MYRIP: variants seen among roughly 807,000 people sequenced by gnomAD.
MYRIP encodes the protein myosin VIIA and Rab interacting protein.
A neutral mutation model predicts 98.0 loss-of-function variants in MYRIP; 49 were observed. The observed-to-expected ratio is 0.50, with a 90% CI of 0.40 to 0.63. The LOEUF is 0.63. Among genes scored for constraint, MYRIP ranks in the 30% least tolerant of loss-of-function variants. The pLI is 0.00. For missense variants in MYRIP, 1,004 were observed against 1,058.2 expected, an observed-to-expected ratio of 0.95 and a Z score of 0.71; for synonymous variants, 404 against 409.5, an observed-to-expected ratio of 0.99 and a Z score of 0.16.
At chr3:39,825,453 A>T (rs1204881000) in intron 1 of MYRIP, among the ~76,000 whole-genome samples, 1 of 152,154 alleles carries the variant, frequency 6.6e-6, no homozygotes, top group Admixed American at 6.6e-5. Flanking sequence ...AGATAATCAT[A>T]TATTATAGTT....
chr3:40,233,817 C>A, intron 11 of MYRIP, 42 bp from the exon 12 acceptor site: 1 of 1,551,104 alleles, frequency 6.4e-7, no homozygotes, highest in Non-Finnish European at 8.8e-7. Flanking sequence ...TGTTAATGTG[C>A]TGTTCTTGTC....
intron 1 of MYRIP, among the ~76,000 whole-genome samples, chr3:39,829,162 T>C (rs1404155240): frequency 2.6e-5 from 4 of 152,252 alleles, no homozygotes; most frequent in Non-Finnish European, 5.9e-5. Flanking sequence ...TCTTTGATTA[T>C]GGCCATTCTT....
chr3:39,969,024 T>C (rs1272764973), intron 2 of MYRIP, among the ~76,000 whole-genome samples: 2 of 152,178 alleles, frequency 1.3e-5, no homozygotes, highest in African/African-American at 2.4e-5. Context: ...ATAATTCTCA[T>C]TGTAGAGATC....
intron 4 of MYRIP, among the ~76,000 whole-genome samples, chr3:40,160,181 A>G (rs1026934582): frequency 5.3e-5 from 8 of 152,108 alleles, no homozygotes; most frequent in East Asian, 1.9e-4. Flanking sequence ...TGGTGTGGAT[A>G]TCCTTTCTGT....
chr3:40,037,597 T>G (rs991249774), intron 2 of MYRIP, among the ~76,000 whole-genome samples: 6 of 152,046 alleles, frequency 3.9e-5, no homozygotes, highest in African/African-American at 1.4e-4. Flanking sequence ...AAAACTGAGT[T>G]CTGTTGACTC....
intron 1 of MYRIP, among the ~76,000 whole-genome samples, chr3:39,900,364 A>G (rs1407010897): frequency 6.6e-6 from 1 of 151,290 alleles, no homozygotes; most frequent in Non-Finnish European, 1.5e-5. Flanking sequence ...TTTTTTATAA[A>G]TTAACATATT....
intron 10 of MYRIP, among the ~76,000 whole-genome samples, chr3:40,196,236 A>ATTTTTATTTTTTATTTTAT (rs1951389552): frequency 6.6e-6 from 1 of 151,242 alleles, no homozygotes; most frequent in East Asian, 1.9e-4. Context: ...TTTGCTTCCT[A>ATTTTTATTTTTTATTTTAT]GTCTGTTAAT....
rs953996693 is a variant in MYRIP at position 39,875,958 on chromosome 3, A to G, written c.-30-24829A>G. ...CAGTGGGGTGTTAATGTCTCCCATT[A>G]TTATTGTGTGGGAGTCTAAGTCTCT... On this transcript the variant is annotated intron_variant, in intron 1 of 16. Coordinates refer to ENST00000302541, the MANE Select transcript of MYRIP (RefSeq NM_015460.4). Among the ~76,000 whole-genome samples the G allele has an allele frequency of 7.4e-4, 113 of 152,116 alleles. 2 individuals carry two copies. Among genetic ancestry groups the G allele is most frequent in the Admixed American group, 1.3e-3 (20 of 15,294 alleles).
intron 7 of MYRIP, among the ~76,000 whole-genome samples, chr3:40,168,162 T>G (rs919745884): frequency 9.2e-5 from 14 of 152,208 alleles, no homozygotes; most frequent in Admixed American, 2.6e-4. Flanking sequence ...ACCTTGTTAG[T>G]GTAACAGACA....
Position 40,044,205 on chromosome 3 carries a change from G to T in MYRIP, c.266G>T (p.Cys89Phe). ...RQCGDCKFNV[C>F]KSCCSYQKHE... is the part of the protein sequence containing the mutation. ...TGTGGAGATTGCAAATTCAATGTCT[G>T]CAAGAGCTGCTGCTCCTACCAGAAG... is the stretch of plus-strand genomic sequence containing the variant. Residue 89 changes from cysteine to phenylalanine, a missense_variant, in exon 3 of 17, where the codon TGC (cysteine) becomes TTC (phenylalanine). Transcript: ENST00000302541. 6.2e-7 allele frequency: 1 copy of T among 1,614,196 alleles called. No individual in the cohort carries two copies. Among genetic ancestry groups the T allele is most frequent in the Non-Finnish European group, 8.5e-7 (1 of 1,180,034 alleles).
chr3:40,081,123 C>T (rs1948470488), intron 3 of MYRIP, among the ~76,000 whole-genome samples: 1 of 152,100 alleles, frequency 6.6e-6, no homozygotes, highest in South Asian at 2.1e-4. Context: ...GATACCACTT[C>T]TCTGAAATGT....
chr3:39,899,413 A>G (rs1159923980), intron 1 of MYRIP, among the ~76,000 whole-genome samples: 1 of 151,868 alleles, frequency 6.6e-6, no homozygotes, highest in Non-Finnish European at 1.5e-5. Flanking sequence ...AGTCTTATTT[A>G]TTTATTTATT....
intron 11 of MYRIP, among the ~76,000 whole-genome samples, chr3:40,215,498 C>T (rs1952090370): frequency 6.6e-6 from 1 of 152,110 alleles, no homozygotes; most frequent in Admixed American, 6.5e-5. Flanking sequence ...AGCCAAGCCA[C>T]ATGGAAACCC....
At position 40,038,130 on chromosome 3, in the gene MYRIP, A is replaced by T. The variant is rs1434061850; in HGVS notation, c.111-5920A>T. 2.6e-3 allele frequency among the ~76,000 whole-genome samples: 9 copies of T among 3,460 alleles called. No individual in the cohort carries two copies. The Admixed American group carries it at 0.066, about 25-fold the overall frequency. 2.3% of individuals were successfully genotyped at this position (3,460 alleles called of 152,430 possible). ...TTGAGACGCTCTGATCAAAATGTTA[A>T]AAAAAAAAGTTAATAACAAAAGCCA... On this transcript the variant is annotated intron_variant, in intron 2 of 16. Transcript: ENST00000302541.
chr3:39,952,467 G>T (rs1242050589), intron 2 of MYRIP, among the ~76,000 whole-genome samples: 1 of 151,912 alleles, frequency 6.6e-6, no homozygotes, highest in Non-Finnish European at 1.5e-5. Flanking sequence ...CACTAATACG[G>T]TATATTACAT....
intron 2 of MYRIP, among the ~76,000 whole-genome samples, chr3:40,036,420 G>C (rs1011648468): frequency 6.6e-6 from 1 of 151,122 alleles, no homozygotes; most frequent in Non-Finnish European, 1.5e-5. Flanking sequence ...AATTTACCTT[G>C]ATGAAAGAAT....
intron 3 of MYRIP, among the ~76,000 whole-genome samples, chr3:40,148,181 T>G (rs781221314): frequency 6.6e-6 from 1 of 152,218 alleles, no homozygotes; most frequent in African/African-American, 2.4e-5. Context: ...GTATTATTTT[T>G]TTCTGTGTGA....
chr3:40,134,410 C>A lies in MYRIP; in HGVS notation c.333-16638C>A, dbSNP rs1157363419. On this transcript the variant is annotated intron_variant, in intron 3 of 16. Transcript: ENST00000302541. ...GAAGCTGGAACTGGGTGGAGCTCAC[C>A]ACAGCTCAAAGAGGCCTGCCTGCCT... Among the ~76,000 whole-genome samples, 3 of 152,228 alleles carry A rather than the reference C, an allele frequency of 2.0e-5. No homozygotes were observed. In the East Asian group the frequency reaches 5.8e-4, roughly 29 times the overall value.
intron 10 of MYRIP, among the ~76,000 whole-genome samples, chr3:40,197,395 C>T (rs764100105): frequency 2.1e-4 from 32 of 152,276 alleles, no homozygotes; most frequent in Non-Finnish European, 4.3e-4. Flanking sequence ...GGACCCCCTG[C>T]TCTATGCAAT....
Sources: gnomAD v4.1 joint callset for allele counts (sites outside exome capture counted in the v4.1 genomes callset) on GRCh38, gnomAD v4.1.1 for gene constraint, MANE v1.5 for transcripts, NCBI Gene and HGNC (gene_info 2026-07-23, HGNC 2026-07-21) for gene names.